Variants in PLCXD3 observed in about 807,000 individuals in gnomAD.
The protein encoded by PLCXD3 is phosphatidylinositol specific phospholipase C X domain containing 3, also known as PI-PLC X domain-containing protein 3.
A neutral mutation model predicts 25.5 loss-of-function variants in PLCXD3; 19 were observed. The ratio of observed to expected loss-of-function variants is 0.75; its 90% CI spans 0.52 to 1.09. PLCXD3 has a LOEUF of 1.09. PLCXD3 is among the 50% of genes least tolerant of loss of function. The pLI, the probability that PLCXD3 is intolerant of heterozygous loss-of-function variation, is 0.00. For missense variants in PLCXD3, 411 were observed against 388.1 expected, an observed-to-expected ratio of 1.06 and a Z score of -0.50; for synonymous variants, 174 against 137.6, an observed-to-expected ratio of 1.26 and a Z score of -1.85.
intron 1 of PLCXD3, among the ~76,000 whole-genome samples, chr5:41,405,854 C>A (rs776279422): frequency 3.3e-5 from 5 of 152,062 alleles, no homozygotes; most frequent in Non-Finnish European, 5.9e-5. Flanking sequence ...TCTTCCCCAA[C>A]TTTGGTTCCA....
At chr5:41,393,324 A>T (rs1330644922) in intron 1 of PLCXD3, among the ~76,000 whole-genome samples, 3 of 152,194 alleles carry the variant, frequency 2.0e-5, no homozygotes, top group African/African-American at 7.2e-5. Context: ...ACCAAGAAAA[A>T]AAATAAATAA....
chr5:41,337,897 C>T (rs533177295), intron 2 of PLCXD3, among the ~76,000 whole-genome samples: 1 of 152,174 alleles, frequency 6.6e-6, no homozygotes, highest in African/African-American at 2.4e-5. Context: ...AGAGTATTTC[C>T]CATGATGTCA....
chr5:41,408,891 G>A (rs954525446), intron 1 of PLCXD3, among the ~76,000 whole-genome samples: 1 of 152,170 alleles, frequency 6.6e-6, no homozygotes, highest in African/African-American at 2.4e-5. Flanking sequence ...AGAAAGATGG[G>A]GGAGGAAAGT....
chr5:41,404,273 ACT>A (rs1247701992), intron 1 of PLCXD3, among the ~76,000 whole-genome samples: 4 of 152,068 alleles, frequency 2.6e-5, no homozygotes, highest in Non-Finnish European at 5.9e-5. Flanking sequence ...ACTTTGCAGG[ACT>A]CTTATAAGGA....
intron 2 of PLCXD3, among the ~76,000 whole-genome samples, chr5:41,363,069 A>C (rs2150485786): frequency 6.6e-6 from 1 of 152,318 alleles, no homozygotes; most frequent in South Asian, 2.1e-4. Context: ...AGAGGGGACA[A>C]CTGCCTTTTC....
At chr5:41,316,526 C>T (rs1398083371) in intron 2 of PLCXD3, among the ~76,000 whole-genome samples, 3 of 152,150 alleles carry the variant, frequency 2.0e-5, no homozygotes, top group Non-Finnish European at 4.4e-5. Context: ...CCAACACTGC[C>T]ATGGTTGCTA....
chr5:41,348,448 AC>A (rs1335686687), intron 2 of PLCXD3, among the ~76,000 whole-genome samples: 8 of 152,202 alleles, frequency 5.3e-5, no homozygotes, highest in Non-Finnish European at 1.0e-4. Context: ...CCAGAAAAAA[AC>A]ATTCCTGGTA....
chr5:41,387,333 C>G (rs375885993), intron 1 of PLCXD3, among the ~76,000 whole-genome samples: 5 of 152,024 alleles, frequency 3.3e-5, no homozygotes, highest in Non-Finnish European at 7.4e-5. Flanking sequence ...AGCAGAGGAT[C>G]CAGCTAATTC....
At chr5:41,471,493 G>A (rs1033782663) in intron 1 of PLCXD3, among the ~76,000 whole-genome samples, 12 of 152,094 alleles carry the variant, frequency 7.9e-5, no homozygotes, top group Admixed American at 2.6e-4. Context: ...GAGGAGAATC[G>A]CCCATCCCAG....
At chr5:41,412,402 A>T (rs2150503713) in intron 1 of PLCXD3, among the ~76,000 whole-genome samples, 1 of 152,272 alleles carries the variant, frequency 6.6e-6, no homozygotes, top group African/African-American at 2.4e-5. Context: ...TATATCTTTT[A>T]TAATAAATTC....
chr5:41,448,959 T>C (rs907046725), intron 1 of PLCXD3, among the ~76,000 whole-genome samples: 1 of 152,204 alleles, frequency 6.6e-6, no homozygotes, highest in African/African-American at 2.4e-5. Context: ...ATGCTAAACA[T>C]GCACACCTTT....
At chr5:41,366,547 A>G (rs572187815) in intron 2 of PLCXD3, among the ~76,000 whole-genome samples, 1 of 152,330 alleles carries the variant, frequency 6.6e-6, no homozygotes, top group South Asian at 2.1e-4. Context: ...TAAAGAGAAG[A>G]CTATGTTAAT....
chr5:41,455,877 C>T (rs1362369748), intron 1 of PLCXD3, among the ~76,000 whole-genome samples: 1 of 151,898 alleles, frequency 6.6e-6, no homozygotes, highest in African/African-American at 2.4e-5. Context: ...TATGATAATG[C>T]AGGTCTTGAG....
intron 2 of PLCXD3, among the ~76,000 whole-genome samples, chr5:41,315,564 C>T (rs1743266286): frequency 6.6e-6 from 1 of 152,152 alleles, no homozygotes; most frequent in Admixed American, 6.5e-5. Flanking sequence ...ACTATTTACA[C>T]AGCAAAAAAC....
chr5:41,510,113 A>G (rs1467372499), intron 1 of PLCXD3, among the ~76,000 whole-genome samples: 1 of 152,046 alleles, frequency 6.6e-6, no homozygotes, highest in Non-Finnish European at 1.5e-5. Context: ...GAGAAACCAT[A>G]GGAGGGGGTC....
chr5:41,361,471 T>G (rs937311963), intron 2 of PLCXD3, among the ~76,000 whole-genome samples: 2 of 152,230 alleles, frequency 1.3e-5, no homozygotes, highest in African/African-American at 4.8e-5. Context: ...GAAGCAAAAG[T>G]TCATGATGTG....
intron 1 of PLCXD3, among the ~76,000 whole-genome samples, chr5:41,406,784 C>T (rs1274289926): frequency 6.6e-6 from 1 of 152,142 alleles, no homozygotes; most frequent in Non-Finnish European, 1.5e-5. Context: ...GGTCATTACC[C>T]TGCCTCAGCC....
chr5:41,436,791 G>T (rs906313946), intron 1 of PLCXD3, among the ~76,000 whole-genome samples: 3 of 152,100 alleles, frequency 2.0e-5, no homozygotes, highest in African/African-American at 7.2e-5. Context: ...CTTCAGAATA[G>T]GTTTTTCCAA....
chr5:41,438,112 C>T (rs1294061139), intron 1 of PLCXD3, among the ~76,000 whole-genome samples: 1 of 152,094 alleles, frequency 6.6e-6, no homozygotes, highest in Non-Finnish European at 1.5e-5. Context: ...TGACCACTAG[C>T]GAAATTGTTA....
Sources: gnomAD v4.1 joint callset for allele counts (sites outside exome capture counted in the v4.1 genomes callset) on GRCh38, gnomAD v4.1.1 for gene constraint, MANE v1.5 for transcripts, NCBI Gene and HGNC (gene_info 2026-07-23, HGNC 2026-07-21) for gene names.